Variants in CLK1 observed in about 807,000 individuals in gnomAD.
CLK1 encodes the protein dual specificity protein kinase CLK1.
In CLK1, 40 loss-of-function variants were observed where a neutral mutation model predicts 60.9. That is an observed-to-expected ratio of 0.66 (90% CI 0.51 to 0.86). The LOEUF (loss-of-function observed/expected upper bound fraction) is 0.86, where lower values mean the gene tolerates loss of function less well. Ranked by LOEUF, CLK1 falls within the 40% of genes least tolerant of loss-of-function variation. The pLI, the probability that CLK1 is intolerant of heterozygous loss-of-function variation, is 0.00. For synonymous variants in CLK1, 203 were observed against 184.4 expected (o/e 1.10, Z -0.82); for missense variants, 563 against 606.1 (o/e 0.93, Z 0.75).
At chr2:200,861,923 C>A in intron 1 of CLK1, 61 bp from the exon 2 acceptor site, 1 of 1,489,198 alleles carries the variant, frequency 6.7e-7, no homozygotes, top group South Asian at 1.2e-5. Flanking sequence ...GTTTAAAATT[C>A]GTAATTACAA....
At chr2:200,855,556 C>T (rs963235168) in intron 9 of CLK1, among the ~76,000 whole-genome samples, 2 of 151,656 alleles carry the variant, frequency 1.3e-5, no homozygotes, top group African/African-American at 4.8e-5. Context: ...ACCCCATAGG[C>T]GGAGCTTGCG....
chr2:200,863,974 T>C (rs1290283349), intron 1 of CLK1: 1 of 1,089,854 alleles, frequency 9.2e-7, no homozygotes, highest in African/African-American at 1.6e-5. Context: ...TTCTCTTTCC[T>C]TGGGTTCCTA....
intron 11 of CLK1, 125 bp downstream of exon 11, chr2:200,854,491 A>C: frequency 1.6e-6 from 1 of 613,356 alleles, no homozygotes; most frequent in South Asian, 2.0e-5. Context: ...AGCCGAGGTC[A>C]CGCCACTGCA....
chr2:200,864,163 CCCTCA>C, intron 1 of CLK1: 1 of 1,551,282 alleles, frequency 6.4e-7, no homozygotes, highest in Non-Finnish European at 8.7e-7. Flanking sequence ...AGCAAATCCC[CCCTCA>C]ACGGGGAGCC....
chr2:200,860,969 A>T (rs2039127644), intron 3 of CLK1: 1 of 1,216,652 alleles, frequency 8.2e-7, no homozygotes, highest in African/African-American at 1.6e-5. Context: ...TTTTGTAATA[A>T]TTTTCAACTA....
chr2:200,864,488 A>G lies in CLK1; in HGVS notation c.-1+76T>C, dbSNP rs886446070. On this transcript the variant is annotated intron_variant, in intron 1 of 12. Transcript: ENST00000321356. The stretch of plus-strand genomic sequence containing the variant: ...ACGGCGGGCAGCAAACAAGCAGGAA[A>G]AGGGGGCATCGCCAGGCGCCCGCGA... The G allele has an allele frequency of 1.5e-5, 7 of 457,416 alleles. No individual in the cohort carries two copies. The Admixed American group carries it at 2.6e-4, about 17-fold the overall frequency. The allele number at this position is 457,416 out of a possible 1,614,324, so 28.3% of individuals were successfully genotyped here. A position where few individuals can be genotyped will look rare whatever the true frequency, so the allele number is the denominator to read the frequency against.
At chr2:200,861,679 G>C in intron 2 of CLK1, 23 bp downstream of exon 2, 1 of 1,612,024 alleles carries the variant, frequency 6.2e-7, no homozygotes, top group Non-Finnish European at 8.5e-7. Flanking sequence ...GTTATATTCA[G>C]ACATTTTAAG....
At chr2:200,864,053 T>C in intron 1 of CLK1, 1 of 1,503,978 alleles carries the variant, frequency 6.6e-7, no homozygotes, top group Non-Finnish European at 8.9e-7. Context: ...CTTTCATCAT[T>C]AGACATTAAC....
At chr2:200,856,194 C>T (rs1436197288) in intron 9 of CLK1, among the ~76,000 whole-genome samples, 1 of 151,854 alleles carries the variant, frequency 6.6e-6, no homozygotes, top group Non-Finnish European at 1.5e-5. Flanking sequence ...CCTCAGCCTC[C>T]TGAGTAGCTG....
chr2:200,854,751 T>A, intron 10 of CLK1, 56 bp from the exon 11 acceptor site: 1 of 1,261,112 alleles, frequency 7.9e-7, no homozygotes, highest in Non-Finnish European at 1.2e-6. Context: ...CAGACACAGT[T>A]AAAGCTGACA....
intron 1 of CLK1, 82 bp from the exon 2 acceptor site, chr2:200,861,944 G>A (rs542822021): frequency 1.1e-5 from 13 of 1,231,592 alleles, no homozygotes; most frequent in East Asian, 9.6e-5. Flanking sequence ...AGGTCCCCTC[G>A]TGACCTCGTT....
intron 5 of CLK1, 118 bp from the exon 6 acceptor site, chr2:200,858,207 A>C: frequency 1.3e-6 from 1 of 763,482 alleles, no homozygotes. Flanking sequence ...TTTATGGTTT[A>C]GTGTTCAGTT....
intron 5 of CLK1, among the ~76,000 whole-genome samples, chr2:200,858,768 C>T (rs184988481): frequency 3.9e-4 from 59 of 151,250 alleles, no homozygotes; most frequent in African/African-American, 1.2e-3. Flanking sequence ...AGGAAGCCCC[C>T]TCAAAAATGC....
chr2:200,860,771 C>A, intron 3 of CLK1: 1 of 1,018,092 alleles, frequency 9.8e-7, no homozygotes, highest in Non-Finnish European at 1.2e-6. Context: ...ATATATAACC[C>A]ATAACAGTTC....
chr2:200,857,519 G>A (rs1198037081), intron 7 of CLK1, 199 bp downstream of exon 7: 9 of 457,786 alleles, frequency 2.0e-5, no homozygotes, highest in South Asian at 8.4e-5. Flanking sequence ...AACAAAGTAC[G>A]TTGTTATATG....
In CLK1 at chr2:200,861,358, T is replaced by C. The variant is rs1348756101; in HGVS notation, c.270A>G (p.Gln90=). Residue 90 remains glutamine (Q), a synonymous_variant, in exon 3 of 13, where the codon CAA becomes CAG. Transcript: ENST00000321356. The part of the protein sequence containing the change: ...YTQGCEPGHR[Q]RDHESRYQNH... Reference sequence around the variant, plus strand: ...TCTGATACCGGCTTTCATGGTCTCTTTGGCGATGTCCAGGTTCACATCCTT... The same window carrying C: ...TCTGATACCGGCTTTCATGGTCTCTCTGGCGATGTCCAGGTTCACATCCTT... 1 of 1,614,076 alleles carries C rather than the reference T, an allele frequency of 6.2e-7. No individual in the cohort carries two copies. The highest frequency in any genetic ancestry group is 1.3e-5 in the African/African-American group (1 of 74,930).
intron 1 of CLK1, 66 bp downstream of exon 1, chr2:200,864,498 C>G (rs1324546835): frequency 2.3e-6 from 1 of 432,520 alleles, no homozygotes; most frequent in Admixed American, 4.5e-5. Flanking sequence ...AAGGGGGCAT[C>G]GCCAGGCGCC....
At chr2:200,855,747 G>A (rs1191012565) in intron 9 of CLK1, among the ~76,000 whole-genome samples, 1 of 151,714 alleles carries the variant, frequency 6.6e-6, no homozygotes, top group Non-Finnish European at 1.5e-5. Flanking sequence ...AGTGGCTTAT[G>A]CCTGTAATCC....
chr2:200,853,098 T>A lies in CLK1; in HGVS notation c.*208A>T, dbSNP rs2038972095. On this transcript the variant is annotated 3_prime_UTR_variant, in exon 13 of 13. Transcript: ENST00000321356. ...ATATCAACTTCATAAGCACAAAAAA[T>A]TTATTCTGAATAAATCACTTTACAA... is the stretch of plus-strand genomic sequence containing the variant. 2.5e-6 allele frequency: 1 copy of A among 403,348 alleles called. No homozygotes were observed. Among genetic ancestry groups the A allele is most frequent in the Non-Finnish European group, 4.4e-6 (1 of 229,322 alleles). 25.0% of individuals were successfully genotyped at this position (403,348 alleles called of 1,614,324 possible).
Sources: allele counts gnomAD v4.1 joint callset (sites outside exome capture counted in the v4.1 genomes callset), GRCh38; gene constraint gnomAD v4.1.1; transcripts MANE v1.5; gene names NCBI Gene and HGNC (gene_info 2026-07-23, HGNC 2026-07-21).